PLXDC2: variants seen among roughly 807,000 people sequenced by gnomAD.
PLXDC2 encodes plexin domain containing 2, also known as plexin domain-containing protein 2.
PLXDC2 carries 40 observed loss-of-function variants against 68.9 expected under a neutral mutation model. The observed-to-expected ratio is 0.58, with a 90% CI of 0.45 to 0.76. PLXDC2 has a LOEUF of 0.76. Among genes scored for constraint, PLXDC2 ranks in the 30% least tolerant of loss-of-function variants. PLXDC2 has a pLI of 0.00. For missense variants in PLXDC2, 644 were observed against 661.9 expected (o/e 0.97, Z 0.30); for synonymous variants, 243 against 234.2 (o/e 1.04, Z -0.34).
intron 1 of PLXDC2, among the ~76,000 whole-genome samples, chr10:19,961,168 T>C (rs746876780): frequency 1.3e-5 from 2 of 152,236 alleles, no homozygotes; most frequent in African/African-American, 2.4e-5. Flanking sequence ...GAAATAATTA[T>C]TGCATTGTTC....
chr10:20,017,754 T>A (rs1238690108), intron 2 of PLXDC2, among the ~76,000 whole-genome samples: 2 of 152,260 alleles, frequency 1.3e-5, no homozygotes, highest in Admixed American at 6.5e-5. Flanking sequence ...TCTTTTTCAT[T>A]CTCGTATTTA....
chr10:20,192,645 G>T (rs1227990565), intron 9 of PLXDC2, among the ~76,000 whole-genome samples: 1 of 151,832 alleles, frequency 6.6e-6, no homozygotes, highest in Non-Finnish European at 1.5e-5. Context: ...TCAGAAAGTG[G>T]AGCATATATT....
chr10:20,068,385 AG>A (rs1228865509), intron 4 of PLXDC2, 146 bp downstream of exon 4: 1 of 736,392 alleles, frequency 1.4e-6, no homozygotes, highest in East Asian at 2.9e-5. Context: ...ATAAAACCAA[AG>A]AAAGGGTATG....
chr10:19,890,614 A>G (rs1589522062), intron 1 of PLXDC2, among the ~76,000 whole-genome samples: 1 of 128,502 alleles, frequency 7.8e-6, no homozygotes, highest in South Asian at 2.8e-4. Context: ...TGACCTCGTG[A>G]TCCACCCGCC....
At chr10:19,988,527 A>T (rs1324009923) in intron 1 of PLXDC2, among the ~76,000 whole-genome samples, 2 of 152,124 alleles carry the variant, frequency 1.3e-5, no homozygotes, top group Non-Finnish European at 2.9e-5. Flanking sequence ...AGTGGATTCA[A>T]GGACTAGCAT....
chr10:19,831,041 T>G (rs1351452833), intron 1 of PLXDC2, among the ~76,000 whole-genome samples: 2 of 152,112 alleles, frequency 1.3e-5, no homozygotes, highest in East Asian at 3.8e-4. Flanking sequence ...CTTGGCACCT[T>G]TCATAGTGCT....
At chr10:20,092,917 T>C (rs931055661) in intron 4 of PLXDC2, among the ~76,000 whole-genome samples, 4 of 152,110 alleles carry the variant, frequency 2.6e-5, no homozygotes, top group Non-Finnish European at 1.5e-5. Context: ...AAAGAACACA[T>C]TCTCTCCTAG....
In PLXDC2 at chr10:20,188,165, T is replaced by C. The variant is rs527360886; in HGVS notation, c.1061+10756T>C. ...TGTTATTAAATATATATTAAAATAG[T>C]TAAAAGTTAATTGCCCAAAAATAGA... On this transcript the variant is annotated intron_variant, in intron 9 of 13. Transcript: ENST00000377252. Among the ~76,000 whole-genome samples, 54 of 151,724 alleles carry C rather than the reference T, an allele frequency of 3.6e-4. No homozygotes were observed. In the South Asian group the frequency reaches 0.01, roughly 29 times the overall value.
At chr10:19,880,358 T>G (rs1837705827) in intron 1 of PLXDC2, among the ~76,000 whole-genome samples, 1 of 152,374 alleles carries the variant, frequency 6.6e-6, no homozygotes, top group African/African-American at 2.4e-5. Context: ...ATAATTTTTC[T>G]GTACATACAT....
chr10:20,120,020 G>C (rs1173220289), intron 4 of PLXDC2, among the ~76,000 whole-genome samples: 2 of 152,196 alleles, frequency 1.3e-5, no homozygotes, highest in African/African-American at 2.4e-5. Flanking sequence ...CAAGAGTTAA[G>C]AGTGGCAGTT....
chr10:20,189,844 G>T (rs1275885731), intron 9 of PLXDC2, among the ~76,000 whole-genome samples: 1 of 151,062 alleles, frequency 6.6e-6, no homozygotes, highest in East Asian at 2.0e-4. Flanking sequence ...GTCTTCTTTT[G>T]GCCACTGAGT....
chr10:20,211,873 T>C, intron 10 of PLXDC2, 144 bp downstream of exon 10: 1 of 733,844 alleles, frequency 1.4e-6, no homozygotes. Context: ...TGTCTGCAAA[T>C]ATTAGGGGTT....
chr10:20,119,308 C>T (rs1010819650), intron 4 of PLXDC2, among the ~76,000 whole-genome samples: 7 of 149,462 alleles, frequency 4.7e-5, no homozygotes, highest in South Asian at 2.1e-4. Flanking sequence ...AGAGAGTCAG[C>T]GAAGGGAGAT....
chr10:20,059,427 C>T (rs138778491), intron 3 of PLXDC2, among the ~76,000 whole-genome samples: 100 of 152,256 alleles, frequency 6.6e-4, no homozygotes, highest in South Asian at 2.1e-3. Flanking sequence ...TTCACTTATT[C>T]GCAAGTTCAT....
chr10:19,916,122 T>C (rs1317000796), intron 1 of PLXDC2, among the ~76,000 whole-genome samples: 1 of 138,492 alleles, frequency 7.2e-6, no homozygotes, highest in Non-Finnish European at 1.5e-5. Flanking sequence ...GTGGAGGGAG[T>C]TGTGTTTTGT....
At chr10:20,174,013 C>G (rs962543177) in intron 7 of PLXDC2, among the ~76,000 whole-genome samples, 1 of 152,134 alleles carries the variant, frequency 6.6e-6, no homozygotes, top group Non-Finnish European at 1.5e-5. Flanking sequence ...TCTCTTTACT[C>G]CATACGCACG....
At chr10:19,846,971 T>A (rs1837021469) in intron 1 of PLXDC2, among the ~76,000 whole-genome samples, 1 of 151,084 alleles carries the variant, frequency 6.6e-6, no homozygotes. Context: ...GCAGGTGGAG[T>A]TCCCTTAATA....
chr10:20,108,344 A>G (rs1054242409), intron 4 of PLXDC2, among the ~76,000 whole-genome samples: 4 of 152,214 alleles, frequency 2.6e-5, no homozygotes, highest in Non-Finnish European at 2.9e-5. Flanking sequence ...TTTACATTAT[A>G]TTAAAAACTC....
In PLXDC2 at chr10:20,126,484, A is replaced by C; in HGVS notation, c.542-16811A>C. Among the ~76,000 whole-genome samples, 2 of 17,826 alleles carry C rather than the reference A, an allele frequency of 1.1e-4. 1 individual carries two copies. Among genetic ancestry groups the C allele is most frequent in the Non-Finnish European group, 2.4e-4 (2 of 8,278 alleles). 11.7% of individuals were successfully genotyped at this position (17,826 alleles called of 152,430 possible). ...AACACACGTTATATATGTATATATA[A>C]CACACACGTTATATATGTATATATA... On this transcript the variant is annotated intron_variant, in intron 4 of 13. Coordinates refer to ENST00000377252, the MANE Select transcript of PLXDC2 (RefSeq NM_032812.9).
Sources: allele counts gnomAD v4.1 joint callset (sites outside exome capture counted in the v4.1 genomes callset), GRCh38; gene constraint gnomAD v4.1.1; transcripts MANE v1.5; gene names NCBI Gene and HGNC (gene_info 2026-07-23, HGNC 2026-07-21).